The following ADGRL3 variants were observed in gnomAD, a reference collection of about 807,000 sequenced individuals.
ADGRL3 encodes the protein adhesion G protein-coupled receptor L3.
A neutral mutation model predicts 153.5 loss-of-function variants in ADGRL3; 62 were observed. The observed-to-expected ratio is 0.40, with a 90% confidence interval of 0.33 to 0.50. The LOEUF is 0.50. Among genes scored for constraint, ADGRL3 ranks in the 20% least tolerant of loss-of-function variants. ADGRL3 has a pLI of 0.47. For missense variants in ADGRL3, 1,641 were observed against 1,859.4 expected (o/e 0.88, Z 2.16); for synonymous variants, 710 against 672.5 (o/e 1.06, Z -0.86).
chr4:61,949,684 G>C (rs1227156841), intron 17 of ADGRL3, among the ~76,000 whole-genome samples: 3 of 151,832 alleles, frequency 2.0e-5, no homozygotes, highest in Admixed American at 6.6e-5. Flanking sequence ...GACAGAGCAA[G>C]ACTCTGTCTC....
At chr4:61,929,770 G>A (rs2098809722) in intron 13 of ADGRL3, among the ~76,000 whole-genome samples, 1 of 152,154 alleles carries the variant, frequency 6.6e-6, no homozygotes, top group Non-Finnish European at 1.5e-5. Flanking sequence ...CAGGTAATAG[G>A]TTTAAGGATG....
In ADGRL3 at chr4:61,298,381, A is replaced by G. The variant is rs535416832; in HGVS notation, c.-239-84743A>G. 7.9e-5 allele frequency among the ~76,000 whole-genome samples: 12 copies of G among 152,292 alleles called. No individual in the cohort carries two copies. In the East Asian group the frequency reaches 9.7e-4, roughly 12 times the overall value. ...GTTGGGCAATTGTGCTGCTTGCTCA[A>G]TTGTGCCGGTAGAGATAACCCTTAA... On this transcript the variant is annotated intron_variant, in intron 1 of 26. Transcript: ENST00000683033.
chr4:61,240,619 A>G (rs1754542273), intron 1 of ADGRL3, among the ~76,000 whole-genome samples: 2 of 152,142 alleles, frequency 1.3e-5, no homozygotes, highest in Admixed American at 1.3e-4. Flanking sequence ...TTTTCTATAC[A>G]TTAACTCGAT....
intron 8 of ADGRL3, among the ~76,000 whole-genome samples, chr4:61,794,323 A>G (rs1266497286): frequency 1.3e-5 from 2 of 152,218 alleles, no homozygotes; most frequent in Non-Finnish European, 2.9e-5. Flanking sequence ...TAAGGACATG[A>G]GTGGAGGAAT....
rs570680344 is a variant in ADGRL3, at chr4:61,508,145, T to C, written c.56-9170T>C. 6.6e-5 allele frequency among the ~76,000 whole-genome samples: 10 copies of C among 152,294 alleles called. No homozygotes were observed. In the East Asian group the frequency reaches 1.7e-3, roughly 26 times the overall value. On this transcript the variant is annotated intron_variant, in intron 3 of 26. Coordinates refer to ENST00000683033, the MANE Select transcript of ADGRL3 (RefSeq NM_001387552.1). The stretch of plus-strand genomic sequence containing the variant: ...TTTTTGTCAGGAGCCAAATCTCTAA[T>C]AAATTTATATCACTAACAGAAATCT...
intron 5 of ADGRL3, among the ~76,000 whole-genome samples, chr4:61,654,753 C>T (rs905429224): frequency 7.9e-5 from 12 of 151,620 alleles, no homozygotes; most frequent in African/African-American, 1.2e-4. Context: ...AAAAATTAGC[C>T]GGGTGTGATG....
intron 9 of ADGRL3, among the ~76,000 whole-genome samples, chr4:61,831,733 T>G (rs1044101573): frequency 6.6e-6 from 1 of 152,060 alleles, no homozygotes; most frequent in Admixed American, 6.6e-5. Flanking sequence ...CAAATAAAAT[T>G]TTTAAGGTTT....
chr4:61,925,374 T>TCAGACATA (rs1413176341), intron 13 of ADGRL3, among the ~76,000 whole-genome samples: 1 of 152,190 alleles, frequency 6.6e-6, no homozygotes, highest in Non-Finnish European at 1.5e-5. Flanking sequence ...CTGGGTAATT[T>TCAGACATA]CAGACATACC....
chr4:61,324,685 C>G (rs540022929), intron 1 of ADGRL3, among the ~76,000 whole-genome samples: 157 of 152,204 alleles, frequency 1.0e-3, no homozygotes, highest in African/African-American at 3.5e-3. Context: ...AAATAGGAAG[C>G]AACAAAATGT....
rs1454883010 is a variant in ADGRL3 at position 62,074,624 on chromosome 4, A to C, written c.*3716A>C. On this transcript the variant is annotated 3_prime_UTR_variant, in exon 27 of 27. Transcript: ENST00000683033. ...TGTAATAACAAAAATGAACTGACAG[A>C]ACAATTATCTTGAAGTAACAATAAT... 1 of 152,320 alleles carries C rather than the reference A, an allele frequency of 6.6e-6. No homozygotes were observed. Among genetic ancestry groups the C allele is most frequent in the African/African-American group, 2.4e-5 (1 of 41,576 alleles). The allele number at this position is 152,320 out of a possible 1,614,324, so 9.4% of individuals were successfully genotyped here.
intron 8 of ADGRL3, among the ~76,000 whole-genome samples, chr4:61,787,001 C>T (rs73823237): frequency 0.05 from 7,669 of 152,034 alleles, 520 homozygotes; most frequent in African/African-American, 0.15. Context: ...TTCATGAGTA[C>T]ACAAAAGATA....
intron 9 of ADGRL3, among the ~76,000 whole-genome samples, chr4:61,822,655 A>C (rs34907045): frequency 0.37 from 55,711 of 151,896 alleles, 10,788 homozygotes; most frequent in East Asian, 0.62. Context: ...AATTTAGCAT[A>C]CTCTTTCTGC....
intron 8 of ADGRL3, among the ~76,000 whole-genome samples, chr4:61,747,102 A>G (rs566388482): frequency 7.2e-5 from 11 of 152,366 alleles, no homozygotes; most frequent in African/African-American, 2.2e-4. Flanking sequence ...AAACTAGAAA[A>G]TGTAGAAGAA....
chr4:61,716,192 T>C (rs565125759), intron 6 of ADGRL3, among the ~76,000 whole-genome samples: 42 of 152,222 alleles, frequency 2.8e-4, no homozygotes, highest in African/African-American at 7.5e-4. Context: ...TTAGCTGTAC[T>C]TCCTTCTTCT....
intron 9 of ADGRL3, among the ~76,000 whole-genome samples, chr4:61,873,153 A>G (rs2098455546): frequency 6.6e-6 from 1 of 152,244 alleles, no homozygotes; most frequent in African/African-American, 2.4e-5. Context: ...TGATCATCAA[A>G]TGGAGTGTCA....
chr4:61,952,452 C>G (rs1000686189), intron 17 of ADGRL3, among the ~76,000 whole-genome samples: 1 of 148,242 alleles, frequency 6.7e-6, no homozygotes, highest in Admixed American at 6.8e-5. Flanking sequence ...GCACTATAGT[C>G]TGGGCAACAG....
At chr4:61,434,656 C>T (rs532540640) in intron 2 of ADGRL3, among the ~76,000 whole-genome samples, 1 of 152,066 alleles carries the variant, frequency 6.6e-6, no homozygotes, top group South Asian at 2.1e-4. Flanking sequence ...ATTTCATTTG[C>T]AGTAATTTTG....
chr4:61,580,289 A>T (rs1160217998), intron 4 of ADGRL3, among the ~76,000 whole-genome samples: 1 of 151,952 alleles, frequency 6.6e-6, no homozygotes, highest in Non-Finnish European at 1.5e-5. Context: ...TTTTCATATG[A>T]TCAGTGAGAT....
At chr4:61,803,410 C>A (rs1044348448) in intron 8 of ADGRL3, among the ~76,000 whole-genome samples, 8 of 152,056 alleles carry the variant, frequency 5.3e-5, no homozygotes, top group African/African-American at 1.7e-4. Flanking sequence ...TGATTTAATA[C>A]ATAAATTTTC....
Sources: allele counts gnomAD v4.1 joint callset (sites outside exome capture counted in the v4.1 genomes callset), GRCh38; gene constraint gnomAD v4.1.1; transcripts MANE v1.5; gene names NCBI Gene and HGNC (gene_info 2026-07-23, HGNC 2026-07-21).